SEMA4D: variants seen among roughly 807,000 people sequenced by gnomAD.
SEMA4D encodes semaphorin 4D.
SEMA4D carries 22 observed loss-of-function variants against 74.8 expected under a neutral mutation model. The observed-to-expected ratio is 0.29, with a 90% CI of 0.21 to 0.42. SEMA4D has a LOEUF of 0.42. SEMA4D is among the 10% of genes least tolerant of loss of function. The probability of loss-of-function intolerance (pLI) is 1.00; values close to 1 mark genes in which losing one functional copy is unlikely to be tolerated. For synonymous variants in SEMA4D, 445 were observed against 463.7 expected (o/e 0.96, Z 0.52); for missense variants, 937 against 1,118.4 (o/e 0.84, Z 2.31).
chr9:89,435,702 A>G (rs922755606), intron 2 of SEMA4D, among the ~76,000 whole-genome samples: 1 of 152,138 alleles, frequency 6.6e-6, no homozygotes, highest in Non-Finnish European at 1.5e-5. Flanking sequence ...CAAGTCCTAC[A>G]GGCTCCACCT....
At chr9:89,481,939 G>A (rs889511176) in intron 1 of SEMA4D, among the ~76,000 whole-genome samples, 2 of 152,224 alleles carry the variant, frequency 1.3e-5, no homozygotes, top group African/African-American at 4.8e-5. Context: ...GGAAGGAGGA[G>A]ATGGAAAGAT....
At chr9:89,413,419 C>T (rs571812378) in intron 2 of SEMA4D, among the ~76,000 whole-genome samples, 26 of 152,264 alleles carry the variant, frequency 1.7e-4, no homozygotes, top group South Asian at 2.1e-4. Flanking sequence ...TACATGTCTG[C>T]GTGTATGTAT....
rs1845823500 is a variant in SEMA4D at position 89,416,847 on chromosome 9, T to C, written c.-243-11148A>G. On this transcript the variant is annotated intron_variant, in intron 2 of 15. Transcript: ENST00000422704. The stretch of plus-strand genomic sequence containing the variant: ...AAAATTGAAACCCACCACATTAGTG[T>C]ATGGAGCTGTGCATAATGCGATTTT... Among the ~76,000 whole-genome samples, 7 of 152,252 alleles carry C rather than the reference T, an allele frequency of 4.6e-5. No homozygotes were observed. In the South Asian group the frequency reaches 1.4e-3, roughly 31 times the overall value.
At chr9:89,368,742 TGGACCAGCCC>T (rs942273115) in intron 16 of SEMA4D, 1 of 152,340 alleles carries the variant, frequency 6.6e-6, no homozygotes, top group African/African-American at 2.4e-5. Context: ...CTCAGGGCAC[TGGACCAGCCC>T]CAGCGCTTCT....
intron 2 of SEMA4D, among the ~76,000 whole-genome samples, chr9:89,408,751 G>T (rs527518265): frequency 2.6e-5 from 4 of 152,218 alleles, no homozygotes; most frequent in African/African-American, 9.7e-5. Context: ...CAGTGGCCTG[G>T]TCCATGTGCT....
chr9:89,442,895 C>T lies in SEMA4D; in HGVS notation c.-244+12993G>A, dbSNP rs531312855. ...CGCATGTGCCGGTGTCGTCTGCAAA[C>T]CTGGGCCCCGGGCCTGGGCTGGGAC... On this transcript the variant is annotated intron_variant, in intron 2 of 15. Coordinates refer to ENST00000422704, the MANE Select transcript of SEMA4D (RefSeq NM_001371194.2). 1.1e-4 allele frequency among the ~76,000 whole-genome samples: 17 copies of T among 152,346 alleles called. No homozygotes were observed. The South Asian group carries it at 2.1e-3, about 19-fold the overall frequency.
intron 2 of SEMA4D, among the ~76,000 whole-genome samples, chr9:89,442,726 T>C (rs1310145645): frequency 4.0e-5 from 6 of 151,834 alleles, no homozygotes; most frequent in African/African-American, 1.5e-4. Context: ...GTTCCTGGGG[T>C]TCATAACTGC....
intron 2 of SEMA4D, among the ~76,000 whole-genome samples, chr9:89,438,827 G>A (rs1009092844): frequency 2.0e-5 from 3 of 151,530 alleles, no homozygotes; most frequent in East Asian, 1.9e-4. Context: ...CATCACGCCC[G>A]GCTAATTTTT....
Position 89,386,014 on chromosome 9 carries a change from T to TA in SEMA4D, c.1446+352dup, listed in dbSNP as rs1368213061. On this transcript the variant is annotated intron_variant, in intron 13 of 15. Transcript: ENST00000422704. ...TGACGAGTCAGCTGTATCACTATCA[T>TA]ATCCCACAGATGCAGTCTGCACACC... is the stretch of plus-strand genomic sequence containing the variant. 4 of 985,398 alleles carry TA rather than the reference T, an allele frequency of 4.1e-6. No individual in the cohort carries two copies. The East Asian group carries it at 4.5e-4, about 112-fold the overall frequency. 61.0% of individuals were successfully genotyped at this position (985,398 alleles called of 1,614,324 possible).
intron 2 of SEMA4D, among the ~76,000 whole-genome samples, chr9:89,431,487 A>G (rs1849265736): frequency 6.6e-6 from 1 of 152,198 alleles, no homozygotes; most frequent in African/African-American, 2.4e-5. Flanking sequence ...AAACAAGAGC[A>G]GTTTCCCTAG....
intron 15 of SEMA4D, among the ~76,000 whole-genome samples, 161 bp from the exon 16 acceptor site, chr9:89,379,790 C>T (rs1242190213): frequency 6.6e-6 from 1 of 152,182 alleles, no homozygotes; most frequent in Non-Finnish European, 1.5e-5. Context: ...GACCAAAAAG[C>T]AAAGATGAGC....
chr9:89,384,880 CCACCTG>C, intron 13 of SEMA4D: 1 of 985,428 alleles, frequency 1.0e-6, no homozygotes, highest in Non-Finnish European at 1.2e-6. Context: ...CCTTCCACCC[CCACCTG>C]GAGCCTACTG....
rs894366096 is a variant in SEMA4D at position 89,484,350 on chromosome 9, G to A, written c.-310+13569C>T. ...TCCGATGCATACGGGGTATGTGTGTGCTGTGTGTGCTGCGGCACGTGCAGC... is the reference window on the plus strand; with the variant it reads ...TCCGATGCATACGGGGTATGTGTGTACTGTGTGTGCTGCGGCACGTGCAGC... On this transcript the variant is annotated intron_variant, in intron 1 of 15. Coordinates refer to ENST00000422704, the MANE Select transcript of SEMA4D (RefSeq NM_001371194.2). The surrounding 1 kb of genome is among the most constrained non-coding windows in gnomAD (Gnocchi z 4.1). Among the ~76,000 whole-genome samples, 2 of 152,234 alleles carry A rather than the reference G, an allele frequency of 1.3e-5. No individual in the cohort carries two copies. Among genetic ancestry groups the A allele is most frequent in the African/African-American group, 4.8e-5 (2 of 41,468 alleles).
chr9:89,363,176 C>G (rs1191266066), intron 18 of SEMA4D, among the ~76,000 whole-genome samples: 1 of 152,212 alleles, frequency 6.6e-6, no homozygotes, highest in African/African-American at 2.4e-5. Flanking sequence ...CCTGTGAGTC[C>G]CTCCCAGTCT....
intron 13 of SEMA4D, chr9:89,384,743 G>C (rs895650012): frequency 1.8e-4 from 179 of 985,320 alleles, no homozygotes; most frequent in East Asian, 2.3e-4. Flanking sequence ...CTGTAGGACA[G>C]GGGGAGGGCG....
intron 2 of SEMA4D, among the ~76,000 whole-genome samples, chr9:89,433,972 G>A (rs867434281): frequency 7.9e-5 from 12 of 152,228 alleles, no homozygotes; most frequent in African/African-American, 7.2e-5. Flanking sequence ...CCATGCAGAC[G>A]TGGGCAGGAA....
chr9:89,442,886 G>A (rs1235615576), intron 2 of SEMA4D, among the ~76,000 whole-genome samples: 3 of 152,216 alleles, frequency 2.0e-5, no homozygotes, highest in Admixed American at 6.5e-5. Context: ...TGCCGGTGTC[G>A]TCTGCAAACC....
chr9:89,437,749 CA>C (rs1850774796), intron 2 of SEMA4D, among the ~76,000 whole-genome samples: 1 of 152,172 alleles, frequency 6.6e-6, no homozygotes, highest in South Asian at 2.1e-4. Flanking sequence ...AGGTGACAGC[CA>C]CACAAATGAG....
At chr9:89,471,693 C>T (rs1860326190) in intron 1 of SEMA4D, among the ~76,000 whole-genome samples, 1 of 151,144 alleles carries the variant, frequency 6.6e-6, no homozygotes, top group South Asian at 2.1e-4. Flanking sequence ...GAGGTGCATG[C>T]CAGATAGGGT....
Sources: allele counts gnomAD v4.1 joint callset (sites outside exome capture counted in the v4.1 genomes callset), GRCh38; gene constraint gnomAD v4.1.1; non-coding constraint Gnocchi (gnomAD v3.1); transcripts MANE v1.5; gene names NCBI Gene and HGNC (gene_info 2026-07-23, HGNC 2026-07-21).